The following ATE1 variants were observed in gnomAD, a reference collection of about 807,000 sequenced individuals.
The protein encoded by ATE1 is arginyl-tRNA--protein transferase 1.
A neutral mutation model predicts 70.5 loss-of-function variants in ATE1; 36 were observed. The ratio of observed to expected loss-of-function variants is 0.51; its 90% CI spans 0.39 to 0.67. The LOEUF is 0.67. ATE1 is among the 30% of genes least tolerant of loss of function. ATE1 has a pLI of 0.00. For synonymous variants in ATE1, 232 were observed against 219.3 expected (o/e 1.06, Z -0.51); for missense variants, 593 against 629.5 (o/e 0.94, Z 0.62).
intron 11 of ATE1, among the ~76,000 whole-genome samples, chr10:121,766,548 C>T (rs181979696): frequency 2.6e-5 from 4 of 152,116 alleles, no homozygotes; most frequent in South Asian, 2.1e-4. Context: ...CATCTATTCC[C>T]GGCAAAACAC....
At chr10:121,906,445 C>G (rs1951194838) in intron 5 of ATE1, among the ~76,000 whole-genome samples, 1 of 152,030 alleles carries the variant, frequency 6.6e-6, no homozygotes. Flanking sequence ...GGGAAAATTG[C>G]TTGAGCTTAG....
At chr10:121,924,511 C>T (rs970893083) in intron 1 of ATE1, among the ~76,000 whole-genome samples, 182 bp from the exon 2 acceptor site, 3 of 151,932 alleles carry the variant, frequency 2.0e-5, no homozygotes, top group South Asian at 2.1e-4. Flanking sequence ...CCAGCCTGGC[C>T]AACATGGTGA....
intron 1 of ATE1, among the ~76,000 whole-genome samples, chr10:121,925,335 G>A (rs1054314961): frequency 2.0e-5 from 3 of 150,420 alleles, no homozygotes; most frequent in Non-Finnish European, 4.4e-5. Context: ...CAGGAGAATC[G>A]CTTGAACCCA....
chr10:121,743,920 T>TC (rs1177067494), intron 11 of ATE1, 62 bp from the exon 12 acceptor site: 5 of 1,113,832 alleles, frequency 4.5e-6, no homozygotes, highest in Middle Eastern at 4.9e-4. Flanking sequence ...TGTTTCCTTT[T>TC]TTTTTTTTTT....
intron 8 of ATE1, among the ~76,000 whole-genome samples, chr10:121,847,284 T>C (rs1948863404): frequency 6.6e-6 from 1 of 151,882 alleles, no homozygotes; most frequent in Non-Finnish European, 1.5e-5. Context: ...CTGTCGCTAC[T>C]AAAAATATAA....
intron 10 of ATE1, among the ~76,000 whole-genome samples, chr10:121,829,464 C>G (rs1296007816): frequency 6.7e-6 from 1 of 149,850 alleles, no homozygotes; most frequent in Admixed American, 6.7e-5. Context: ...AAAAATCGCT[C>G]CTGGCAAGGC....
At chr10:121,889,659 A>G (rs1440296369) in intron 7 of ATE1, among the ~76,000 whole-genome samples, 1 of 152,130 alleles carries the variant, frequency 6.6e-6, no homozygotes, top group Non-Finnish European at 1.5e-5. Context: ...AAAATTAAAA[A>G]TTAGCCTGGC....
At chr10:121,770,598 C>T (rs1447661931) in intron 11 of ATE1, among the ~76,000 whole-genome samples, 1 of 152,060 alleles carries the variant, frequency 6.6e-6, no homozygotes, top group East Asian at 1.9e-4. Context: ...TCAAACAATG[C>T]TATAAACCTA....
intron 6 of ATE1, 101 bp downstream of exon 6, chr10:121,902,290 C>T (rs1205155967): frequency 9.7e-7 from 1 of 1,032,270 alleles, no homozygotes. Flanking sequence ...CATTATTTAA[C>T]TAGCAAACAT....
At position 121,910,731 on chromosome 10, in the gene ATE1, T is replaced by C. The variant is rs575928949; in HGVS notation, c.583+175A>G. Among the ~76,000 whole-genome samples, 5 of 152,342 alleles carry C rather than the reference T, an allele frequency of 3.3e-5. No individual in the cohort carries two copies. In the South Asian group the frequency reaches 1.0e-3, roughly 32 times the overall value. On this transcript the variant is annotated intron_variant, in intron 5 of 11. Coordinates refer to ENST00000224652, the MANE Select transcript of ATE1 (RefSeq NM_001001976.3). ...TACAGGCTTTTTAAGCATAGTAGTT[T>C]GTAAAAGGCATGATTTGTCCATCTA... is the stretch of plus-strand genomic sequence containing the variant.
intron 11 of ATE1, among the ~76,000 whole-genome samples, chr10:121,768,064 T>C (rs887438166): frequency 2.0e-5 from 3 of 152,206 alleles, no homozygotes; most frequent in Admixed American, 1.3e-4. Context: ...ATGAATCTTA[T>C]AGAAATTATG....
rs563867509 is a variant in ATE1 at position 121,849,127 on chromosome 10, C to G, written c.976-7864G>C. Among the ~76,000 whole-genome samples, 10 of 151,368 alleles carry G rather than the reference C, an allele frequency of 6.6e-5. No individual in the cohort carries two copies. In the East Asian group the frequency reaches 2.0e-3, roughly 30 times the overall value. The stretch of plus-strand genomic sequence containing the variant: ...TCAGGAGGCTGAGGCACGAGAATTG[C>G]TTGATCCCAGGAGGTGGAGATTACA... On this transcript the variant is annotated intron_variant, in intron 8 of 11. Transcript: ENST00000224652.
intron 7 of ATE1, among the ~76,000 whole-genome samples, chr10:121,888,957 G>A (rs1031618231): frequency 1.3e-5 from 2 of 152,068 alleles, no homozygotes; most frequent in East Asian, 1.9e-4. Context: ...AGAAAATACC[G>A]GTAGTGATGG....
At chr10:121,905,697 C>T (rs1951162150) in intron 5 of ATE1, among the ~76,000 whole-genome samples, 1 of 152,038 alleles carries the variant, frequency 6.6e-6, no homozygotes, top group Non-Finnish European at 1.5e-5. Context: ...ACAAAAAAAT[C>T]AGCCGGGAGT....
chr10:121,870,005 C>T lies in ATE1; in HGVS notation c.975+1G>A, dbSNP rs2134018636. ...TATTAAGGTCAGTGAGTAACTCTTA[C>T]CTCCAAGGGTGAACTGCAAAGGAAT... is the stretch of plus-strand genomic sequence containing the variant. On this transcript the variant is annotated splice_donor_variant, in intron 8 of 11. Coordinates refer to ENST00000224652, the MANE Select transcript of ATE1 (RefSeq NM_001001976.3). LOFTEE classifies it high-confidence loss of function. 1 of 1,608,154 alleles carries T rather than the reference C, an allele frequency of 6.2e-7. No homozygotes were observed. The highest frequency in any genetic ancestry group is 2.2e-5 in the East Asian group (1 of 44,782).
Position 121,791,096 on chromosome 10 carries a change from A to ATTTTT in ATE1, c.1258-812_1258-808dup, listed in dbSNP as rs10584053. On this transcript the variant is annotated intron_variant, in intron 10 of 11. Coordinates refer to ENST00000224652, the MANE Select transcript of ATE1 (RefSeq NM_001001976.3). ...TGTGTGTGTGTGTGTGTGTATATAT[A>ATTTTT]TTTTTTTTTTTTTTTGAGATAGATT... 5.5e-3 allele frequency among the ~76,000 whole-genome samples: 515 copies of ATTTTT among 94,408 alleles called. 6 individuals carry two copies. Among genetic ancestry groups the ATTTTT allele is most frequent in the Admixed American group, 0.014 (134 of 9,826 alleles). 61.9% of individuals were successfully genotyped at this position (94,408 alleles called of 152,430 possible). A position where few individuals can be genotyped will look rare whatever the true frequency, so the allele number is the denominator to read the frequency against.
intron 11 of ATE1, among the ~76,000 whole-genome samples, chr10:121,788,823 T>G (rs774787793): frequency 6.6e-6 from 1 of 152,242 alleles, no homozygotes; most frequent in Non-Finnish European, 1.5e-5. Context: ...CAAGGAACTT[T>G]AAGGGGAAGA....
intron 8 of ATE1, among the ~76,000 whole-genome samples, chr10:121,852,471 G>A (rs1014687032): frequency 1.3e-5 from 2 of 152,224 alleles, no homozygotes; most frequent in South Asian, 4.2e-4. Flanking sequence ...CACACTTTGG[G>A]AGGCAGAGGC....
In ATE1 at chr10:121,776,447, A is replaced by G. The variant is rs540398023; in HGVS notation, c.1378+13722T>C. Among the ~76,000 whole-genome samples the G allele has an allele frequency of 5.9e-5, 9 of 152,264 alleles. No homozygotes were observed. In the South Asian group the frequency reaches 1.9e-3, roughly 32 times the overall value. On this transcript the variant is annotated intron_variant, in intron 11 of 11. Transcript: ENST00000224652. ...TGATACATGATAACCCTTTAGCAAA[A>G]TGCTCTGACCAATACATATTAATCA... is the stretch of plus-strand genomic sequence containing the variant.
Sources: allele counts gnomAD v4.1 joint callset (sites outside exome capture counted in the v4.1 genomes callset), GRCh38; gene constraint gnomAD v4.1.1; transcripts MANE v1.5; gene names NCBI Gene and HGNC (gene_info 2026-07-23, HGNC 2026-07-21).